Variants in KIFC3 observed in about 807,000 individuals in gnomAD.
KIFC3 encodes the protein kinesin family member C3.
In KIFC3, 60 loss-of-function variants were observed where a neutral mutation model predicts 101.8. The ratio of observed to expected loss-of-function variants is 0.59; its 90% CI spans 0.48 to 0.73. KIFC3 has a LOEUF of 0.73. KIFC3 is among the 30% of genes least tolerant of loss of function. The probability of loss-of-function intolerance (pLI) is 0.00; values close to 1 mark genes in which losing one functional copy is unlikely to be tolerated. For missense variants in KIFC3, 966 were observed against 1,137.1 expected, an observed-to-expected ratio of 0.85 and a Z score of 2.16; for synonymous variants, 476 against 482.7, an observed-to-expected ratio of 0.99 and a Z score of 0.18.
At chr16:57,804,364 T>A (rs1306674085), upstream of KIFC3, among the ~76,000 whole-genome samples, 4 of 152,194 alleles carry the variant, frequency 2.6e-5, no homozygotes. Flanking sequence ...AGGACACCCG[T>A]GTTTCAGGAA....
intron 10 of KIFC3, among the ~76,000 whole-genome samples, chr16:57,766,496 A>T (rs2050502760): frequency 6.6e-6 from 1 of 152,120 alleles, no homozygotes; most frequent in Non-Finnish European, 1.5e-5. Context: ...CAGAGCAGGC[A>T]CTCTAGAGCT....
At chr16:57,797,769 C>A (rs1555623616) in intron 2 of KIFC3, 1 of 1,295,186 alleles carries the variant, frequency 7.7e-7, no homozygotes, top group African/African-American at 1.6e-5. Context: ...GACGGCAGCC[C>A]GCAGAGCTCT....
At chr16:57,759,631 A>C (rs897347708) in intron 18 of KIFC3, 97 bp downstream of exon 18, 2 of 941,958 alleles carry the variant, frequency 2.1e-6, no homozygotes, top group East Asian at 2.7e-5. Flanking sequence ...AGAACTTTTT[A>C]AAAAGGAAAG....
At chr16:57,840,370 A>G (rs977418643) in intron 1 of KIFC3, among the ~76,000 whole-genome samples, 1 of 152,092 alleles carries the variant, frequency 6.6e-6, no homozygotes. Flanking sequence ...TGCCAGACAC[A>G]GTGGCTCATC....
At chr16:57,837,785 A>C (rs2055726200) in intron 1 of KIFC3, among the ~76,000 whole-genome samples, 1 of 152,116 alleles carries the variant, frequency 6.6e-6, no homozygotes, top group South Asian at 2.1e-4. Flanking sequence ...TCGGGACTTT[A>C]ACAGTGCACA....
intron 1 of KIFC3, among the ~76,000 whole-genome samples, chr16:57,808,865 G>A (rs1555627410): frequency 2.6e-5 from 4 of 152,212 alleles, no homozygotes; most frequent in Admixed American, 6.5e-5. Flanking sequence ...ATGGTGAGAT[G>A]TAAATTGGAG....
At chr16:57,844,409 C>T (rs1227494775) in intron 1 of KIFC3, among the ~76,000 whole-genome samples, 8 of 126,944 alleles carry the variant, frequency 6.3e-5, no homozygotes, top group African/African-American at 1.2e-4. Context: ...CAGCTTTGGG[C>T]GACAGAGCAA....
At chr16:57,801,612 G>C (rs2054727900) in intron 1 of KIFC3, among the ~76,000 whole-genome samples, 1 of 152,266 alleles carries the variant, frequency 6.6e-6, no homozygotes, top group Admixed American at 6.5e-5. Context: ...CGGGGAAGGT[G>C]AAAGACCAGG....
intron 1 of KIFC3, among the ~76,000 whole-genome samples, chr16:57,823,804 T>TGTGTGTGTGTGTGTGTGTGTG (rs1568088575): frequency 6.7e-6 from 1 of 149,408 alleles, no homozygotes; most frequent in Non-Finnish European, 1.5e-5. Flanking sequence ...TGTGTGTGTG[T>TGTGTGTGTGTGTGTGTGTGTG]TTTTAGTAGA....
intron 1 of KIFC3, chr16:57,798,493 G>A: frequency 1.7e-6 from 1 of 595,874 alleles, no homozygotes; most frequent in Non-Finnish European, 2.9e-6. Context: ...TCCGAATACG[G>A]AGGCTCCGAA....
At chr16:57,786,945 G>A (rs11076203) in intron 3 of KIFC3, among the ~76,000 whole-genome samples, 34,785 of 152,114 alleles carry the variant, frequency 0.23, 5,464 homozygotes, top group African/African-American at 0.45. Flanking sequence ...CGCACAGGTC[G>A]GCTCTTCCCT....
In KIFC3 at chr16:57,770,767, C is replaced by T. The variant is rs553378867; in HGVS notation, c.766-67G>A. On this transcript the variant is annotated intron_variant, in intron 6 of 19. Coordinates refer to ENST00000445690, the MANE Select transcript of KIFC3 (RefSeq NM_001130100.2). ...CCGTACCTCACCCAAGAGCCTGAGA[C>T]GCAGCAGGCCAGGGGAAGGAACTCT... 3.5e-4 allele frequency: 459 copies of T among 1,295,634 alleles called. 1 individual carries two copies. The highest frequency in any genetic ancestry group is 3.1e-3 in the African/African-American group (203 of 66,460). The allele number at this position is 1,295,634 out of a possible 1,614,324, so 80.3% of individuals were successfully genotyped here.
chr16:57,816,288 T>C (rs918743), intron 1 of KIFC3: 70,325 of 1,275,410 alleles, frequency 0.055, 4,376 homozygotes, highest in Admixed American at 0.27. Flanking sequence ...CCCAGAAGCC[T>C]GAGGAAGTAA....
chr16:57,821,930 G>A (rs1238327648), intron 1 of KIFC3, among the ~76,000 whole-genome samples: 1 of 151,752 alleles, frequency 6.6e-6, no homozygotes, highest in Non-Finnish European at 1.5e-5. Context: ...ATAAAGATTA[G>A]CCTGGCATGG....
At chr16:57,804,819 T>A (rs2054895521), upstream of KIFC3, among the ~76,000 whole-genome samples, 1 of 151,428 alleles carries the variant, frequency 6.6e-6, no homozygotes, top group South Asian at 2.1e-4. Flanking sequence ...GGTCTCAAAC[T>A]CCTGGGCTCA....
upstream of KIFC3, chr16:57,803,254 G>T: frequency 1.4e-6 from 1 of 701,522 alleles, no homozygotes; most frequent in Non-Finnish European, 2.6e-6. Context: ...CTCAGAAGAG[G>T]CCTGGGGGAG....
chr16:57,811,866 G>T (rs2055084226), intron 1 of KIFC3, among the ~76,000 whole-genome samples: 1 of 149,332 alleles, frequency 6.7e-6, no homozygotes, highest in Admixed American at 6.7e-5. Context: ...AGTGAGCCGA[G>T]ATTGTGATTG....
At chr16:57,814,642 T>C (rs988672220) in intron 1 of KIFC3, among the ~76,000 whole-genome samples, 1 of 152,116 alleles carries the variant, frequency 6.6e-6, no homozygotes, top group East Asian at 1.9e-4. Flanking sequence ...ATTCTTTTTT[T>C]TTTTGGAGAC....
At chr16:57,792,865 CAAAAA>C (rs35129462) in intron 3 of KIFC3, among the ~76,000 whole-genome samples, 2 of 38,424 alleles carry the variant, frequency 5.2e-5, no homozygotes, top group Admixed American at 3.8e-4. Flanking sequence ...AGACCTTGCT[CAAAAA>C]AAAAAAAAAA....
Sources: gnomAD v4.1 joint callset for allele counts (sites outside exome capture counted in the v4.1 genomes callset) on GRCh38, gnomAD v4.1.1 for gene constraint, MANE v1.5 for transcripts, NCBI Gene and HGNC (gene_info 2026-07-23, HGNC 2026-07-21) for gene names.